TEX9: variants seen among roughly 807,000 people sequenced by gnomAD.
TEX9 encodes the protein testis expressed 9.
Under a neutral mutation model 59.6 loss-of-function variants are expected in TEX9, and 74 were observed. That is an observed-to-expected ratio of 1.24 (90% CI 1.03 to 1.51). The LOEUF (loss-of-function observed/expected upper bound fraction) is 1.51. TEX9 is among the 40% of genes most tolerant of loss of function. The pLI, the probability that TEX9 is intolerant of heterozygous loss-of-function variation, is 0.00. For synonymous variants in TEX9, 186 were observed against 152.2 expected (o/e 1.22, Z -1.64); for missense variants, 522 against 447.8 (o/e 1.17, Z -1.49).
chr15:56,299,448 C>A (rs2045290671), intron 1 of TEX9, among the ~76,000 whole-genome samples: 1 of 152,194 alleles, frequency 6.6e-6, no homozygotes, highest in African/African-American at 2.4e-5. Context: ...CCTTGAAAAG[C>A]AGTCTAGGCC....
intron 1 of TEX9, among the ~76,000 whole-genome samples, chr15:56,292,803 T>C (rs1245174319): frequency 6.6e-6 from 1 of 152,178 alleles, no homozygotes; most frequent in Non-Finnish European, 1.5e-5. Flanking sequence ...ATGGCGGTAC[T>C]AAGCCCCTTG....
At chr15:56,275,599 G>A (rs896700923) in intron 1 of TEX9, among the ~76,000 whole-genome samples, 1 of 151,972 alleles carries the variant, frequency 6.6e-6, no homozygotes, top group African/African-American at 2.4e-5. Context: ...CATCTTCCTG[G>A]TTCTGCCTAG....
chr15:56,391,305 C>CA lies in TEX9; in HGVS notation c.459dup (p.Asp154ArgfsTer9). On this transcript the variant is annotated frameshift_variant, in exon 7 of 13. Coordinates refer to ENST00000352903, the Ensembl canonical transcript of TEX9. LOFTEE classifies it high-confidence loss of function. Reference sequence around the variant, plus strand: ...GATGTTGCCATTCCAGAGGATTTCTCAGACTTTTCCCTTGCAAAAACAATT... The same window carrying CA: ...GATGTTGCCATTCCAGAGGATTTCTCAAGACTTTTCCCTTGCAAAAACAATT... The CA allele has an allele frequency of 3.1e-6, 5 of 1,597,778 alleles. No homozygotes were observed. The highest frequency in any genetic ancestry group is 3.4e-6 in the Non-Finnish European group (4 of 1,172,672).
intron 1 of TEX9, among the ~76,000 whole-genome samples, chr15:56,267,854 A>G (rs568658639): frequency 2.6e-5 from 4 of 152,296 alleles, no homozygotes; most frequent in East Asian, 1.9e-4. Context: ...GTTTTTTCCA[A>G]TTCTATGAAG....
chr15:56,434,457 A>C, intron 12 of TEX9: 1 of 1,480,008 alleles, frequency 6.8e-7, no homozygotes, highest in Non-Finnish European at 9.1e-7. Context: ...TTATAAGGAA[A>C]GAGTGATAGA....
intron 10 of TEX9, among the ~76,000 whole-genome samples, chr15:56,419,914 G>T (rs2049887939): frequency 6.6e-6 from 1 of 151,822 alleles, no homozygotes. Context: ...TTTTCTTGTG[G>T]AAAGATTTTA....
intron 10 of TEX9, among the ~76,000 whole-genome samples, chr15:56,422,768 G>T (rs1357932049): frequency 6.6e-6 from 1 of 151,720 alleles, no homozygotes; most frequent in Non-Finnish European, 1.5e-5. Context: ...TTTTCATCTT[G>T]CAAAAACTGA....
chr15:56,308,209 A>G (rs966928099), intron 1 of TEX9, among the ~76,000 whole-genome samples: 3 of 152,190 alleles, frequency 2.0e-5, no homozygotes, highest in Non-Finnish European at 2.9e-5. Flanking sequence ...AAGGGTTCCA[A>G]TTTCTTCACA....
chr15:56,312,116 T>C (rs572596255), intron 1 of TEX9, among the ~76,000 whole-genome samples: 10,500 of 148,702 alleles, frequency 0.071, 601 homozygotes, highest in Non-Finnish European at 0.1. Flanking sequence ...CTGATGGTAG[T>C]TTCTTTTGCT....
chr15:56,322,470 G>C (rs1418465190), intron 1 of TEX9, among the ~76,000 whole-genome samples: 8 of 152,054 alleles, frequency 5.3e-5, no homozygotes, highest in African/African-American at 1.7e-4. Flanking sequence ...TGGGTGAGAG[G>C]GAGCTTTTTT....
intron 12 of TEX9, among the ~76,000 whole-genome samples, chr15:56,434,864 C>G (rs368554491): frequency 7.2e-5 from 11 of 152,092 alleles, no homozygotes; most frequent in African/African-American, 2.7e-4. Context: ...TCCCTTCATT[C>G]TCCAAAATTC....
intron 12 of TEX9, among the ~76,000 whole-genome samples, chr15:56,439,883 A>G (rs1386700405): frequency 6.6e-6 from 1 of 152,068 alleles, no homozygotes. Context: ...CCATAAAAAG[A>G]AAAACTGATA....
At chr15:56,312,083 AT>A (rs1180040221) in intron 1 of TEX9, among the ~76,000 whole-genome samples, 1 of 150,024 alleles carries the variant, frequency 6.7e-6, no homozygotes, top group Non-Finnish European at 1.5e-5. Context: ...ATTTTCTCCC[AT>A]TTTGTAGGTT....
intron 1 of TEX9, among the ~76,000 whole-genome samples, chr15:56,252,395 T>TTTTG (rs1555428860): frequency 6.6e-6 from 1 of 150,442 alleles, no homozygotes; most frequent in African/African-American, 2.5e-5. Flanking sequence ...TTTTTTTTTT[T>TTTTG]GTCCAGGCCA....
chr15:56,404,365 C>G (rs1435201911), intron 9 of TEX9, among the ~76,000 whole-genome samples: 3 of 152,094 alleles, frequency 2.0e-5, no homozygotes, highest in Non-Finnish European at 2.9e-5. Context: ...TTTATGCAGC[C>G]AAAAGACACA....
chr15:56,322,273 C>T (rs1316379989), intron 1 of TEX9, among the ~76,000 whole-genome samples: 3 of 152,032 alleles, frequency 2.0e-5, no homozygotes, highest in Non-Finnish European at 4.4e-5. Flanking sequence ...GTAAGAAGTG[C>T]ATTTTATTTT....
chr15:56,287,353 C>T (rs2044978108), intron 1 of TEX9, among the ~76,000 whole-genome samples: 1 of 151,906 alleles, frequency 6.6e-6, no homozygotes, highest in Non-Finnish European at 1.5e-5. Flanking sequence ...ACACAAGACT[C>T]CTGGGTGAAA....
At chr15:56,316,022 C>T (rs1393148594) in intron 1 of TEX9, among the ~76,000 whole-genome samples, 1 of 151,102 alleles carries the variant, frequency 6.6e-6, no homozygotes, top group Admixed American at 6.7e-5. Flanking sequence ...AAGCACTTCT[C>T]TGTATTGGTT....
chr15:56,310,390 C>T (rs1449528225), intron 1 of TEX9, among the ~76,000 whole-genome samples: 4 of 152,150 alleles, frequency 2.6e-5, no homozygotes, highest in Non-Finnish European at 5.9e-5. Context: ...CGAGATTGGG[C>T]CATTGCACTC....
Sources: allele counts gnomAD v4.1 joint callset (sites outside exome capture counted in the v4.1 genomes callset), GRCh38; gene constraint gnomAD v4.1.1; transcripts MANE v1.5; gene names NCBI Gene and HGNC (gene_info 2026-07-23, HGNC 2026-07-21).